Variants in SEZ6L observed in about 807,000 individuals in gnomAD.
SEZ6L encodes seizure 6-like protein.
Under a neutral mutation model 106.2 loss-of-function variants are expected in SEZ6L, and 37 were observed. The ratio of observed to expected loss-of-function variants is 0.35; its 90% CI spans 0.27 to 0.46. The LOEUF is 0.46. Among genes scored for constraint, SEZ6L ranks in the 20% least tolerant of loss-of-function variants. The pLI, the probability that SEZ6L is intolerant of heterozygous loss-of-function variation, is 1.00. For missense variants in SEZ6L, 1,172 were observed against 1,332.8 expected (o/e 0.88, Z 1.88); for synonymous variants, 541 against 570.4 (o/e 0.95, Z 0.73).
intron 13 of SEZ6L, 61 bp from the exon 14 acceptor site, chr22:26,373,390 T>C: frequency 6.6e-7 from 1 of 1,523,338 alleles, no homozygotes; most frequent in Non-Finnish European, 8.9e-7. Flanking sequence ...TTTGGCCTCA[T>C]TTCATGCAAA....
intron 10 of SEZ6L, among the ~76,000 whole-genome samples, chr22:26,345,874 T>C (rs577405878): frequency 1.5e-4 from 23 of 152,274 alleles, no homozygotes; most frequent in African/African-American, 5.5e-4. Context: ...TAACAAGAGT[T>C]TGTAGGAGAA....
chr22:26,298,609 G>T (rs1423847136), intron 4 of SEZ6L, among the ~76,000 whole-genome samples: 1 of 152,178 alleles, frequency 6.6e-6, no homozygotes, highest in East Asian at 1.9e-4. Flanking sequence ...TTTTTAACAA[G>T]CACTCAAGAT....
chr22:26,261,944 G>A (rs2080021992), intron 1 of SEZ6L, among the ~76,000 whole-genome samples: 1 of 152,076 alleles, frequency 6.6e-6, no homozygotes, highest in South Asian at 2.1e-4. Flanking sequence ...GATTTCAGCT[G>A]AGTGATCATC....
At chr22:26,308,407 G>A (rs1271372275) in intron 6 of SEZ6L, among the ~76,000 whole-genome samples, 1 of 150,688 alleles carries the variant, frequency 6.6e-6, no homozygotes, top group Non-Finnish European at 1.5e-5. Flanking sequence ...GTTATATCCT[G>A]AAGGATTTTG....
At chr22:26,370,989 G>A (rs1386489120) in intron 13 of SEZ6L, among the ~76,000 whole-genome samples, 4 of 129,544 alleles carry the variant, frequency 3.1e-5, no homozygotes, top group Non-Finnish European at 6.3e-5. Context: ...GGGAAACAGA[G>A]CAAGACCCTG....
At chr22:26,232,860 G>A (rs1050449089) in intron 1 of SEZ6L, among the ~76,000 whole-genome samples, 13 of 152,214 alleles carry the variant, frequency 8.5e-5, no homozygotes, top group African/African-American at 2.9e-4. Flanking sequence ...CTGTAAAACA[G>A]GGAGGAACAC....
chr22:26,349,612 C>T (rs568759128), intron 11 of SEZ6L, among the ~76,000 whole-genome samples: 1 of 152,170 alleles, frequency 6.6e-6, no homozygotes, highest in Non-Finnish European at 1.5e-5. Context: ...GCAGTCCTCC[C>T]ACCACAGCCC....
At chr22:26,374,147 G>T (rs534141503) in intron 14 of SEZ6L, among the ~76,000 whole-genome samples, 1 of 151,962 alleles carries the variant, frequency 6.6e-6, no homozygotes, top group East Asian at 1.9e-4. Context: ...ACCACTCACC[G>T]GGACTGTGAT....
intron 1 of SEZ6L, among the ~76,000 whole-genome samples, chr22:26,218,194 T>C (rs139815639): frequency 5.9e-4 from 90 of 152,336 alleles, no homozygotes; most frequent in African/African-American, 2.1e-3. Context: ...CATTATCCCT[T>C]TGCAACCCTA....
chr22:26,209,991 G>GGAAGGA (rs1569382187), intron 1 of SEZ6L, among the ~76,000 whole-genome samples: 5 of 131,384 alleles, frequency 3.8e-5, no homozygotes, highest in African/African-American at 1.4e-4. Flanking sequence ...GGAAGGAAGG[G>GGAAGGA]AGGAAGGAAG....
chr22:26,245,433 C>G (rs1349676274), intron 1 of SEZ6L, among the ~76,000 whole-genome samples: 1 of 152,096 alleles, frequency 6.6e-6, no homozygotes, highest in Admixed American at 6.5e-5. Context: ...GGCTCCTTCT[C>G]CCTCCTCTAG....
Position 26,340,352 on chromosome 22 carries a change from G to C in SEZ6L, c.2016-84G>C, listed in dbSNP as rs940975639. ...GACACATACACACTTAACAAATTTT[G>C]TATTGCCTGAAAAAGTTAATCAAGG... On this transcript the variant is annotated intron_variant, in intron 9 of 16. Coordinates refer to ENST00000248933, the MANE Select transcript of SEZ6L (RefSeq NM_021115.5). 9 of 1,334,136 alleles carry C rather than the reference G, an allele frequency of 6.7e-6. No individual in the cohort carries two copies. In the African/African-American group the frequency reaches 1.3e-4, roughly 19 times the overall value. 82.6% of individuals were successfully genotyped at this position (1,334,136 alleles called of 1,614,324 possible).
At chr22:26,319,652 A>G (rs186851128) in intron 9 of SEZ6L, among the ~76,000 whole-genome samples, 112 of 152,214 alleles carry the variant, frequency 7.4e-4, no homozygotes, top group Middle Eastern at 3.4e-3. Flanking sequence ...ACTTTGCTTC[A>G]CTTCCATAGC....
rs926141977 is a variant in SEZ6L at position 26,382,807 on chromosome 22, CAA to C, written c.*2513_*2514del. On this transcript the variant is annotated 3_prime_UTR_variant, in exon 17 of 17. Coordinates refer to ENST00000248933, the MANE Select transcript of SEZ6L (RefSeq NM_021115.5). The stretch of plus-strand genomic sequence containing the variant: ...TCATGTACGTCTGTTTTTATAAGAT[CAA>C]TATTAAAACCCATTGGGATTAAATA... The C allele has an allele frequency of 1.3e-5, 2 of 152,022 alleles. No individual in the cohort carries two copies. Among genetic ancestry groups the C allele is most frequent in the African/African-American group, 4.8e-5 (2 of 41,400 alleles). 9.4% of individuals were successfully genotyped at this position (152,022 alleles called of 1,614,324 possible). A position where few individuals can be genotyped will look rare whatever the true frequency, so the allele number is the denominator to read the frequency against.
At chr22:26,333,018 A>C (rs1036477281) in intron 9 of SEZ6L, among the ~76,000 whole-genome samples, 2 of 152,260 alleles carry the variant, frequency 1.3e-5, no homozygotes, top group Non-Finnish European at 2.9e-5. Context: ...GTTGTTATTC[A>C]AAAGCTAAAT....
chr22:26,244,168 A>G (rs902114324), intron 1 of SEZ6L, among the ~76,000 whole-genome samples: 1 of 151,802 alleles, frequency 6.6e-6, no homozygotes, highest in Non-Finnish European at 1.5e-5. Context: ...ATCTCAAAAG[A>G]AAGAAAGAAA....
At chr22:26,373,548 G>A in intron 14 of SEZ6L, 65 bp downstream of exon 14, 1 of 1,258,518 alleles carries the variant, frequency 7.9e-7, no homozygotes, top group Non-Finnish European at 1.1e-6. Flanking sequence ...AACAAGGGCA[G>A]GTCTTTGAAT....
chr22:26,183,652 T>C (rs1276219468), intron 1 of SEZ6L, among the ~76,000 whole-genome samples: 1 of 152,258 alleles, frequency 6.6e-6, no homozygotes, highest in Admixed American at 6.5e-5. Flanking sequence ...CGGGGCCTGC[T>C]GAGAGCGACG....
chr22:26,170,142 C>T (rs538035870), intron 1 of SEZ6L, among the ~76,000 whole-genome samples: 2 of 152,248 alleles, frequency 1.3e-5, no homozygotes, highest in East Asian at 1.9e-4. Context: ...TTATCTTCCT[C>T]TCCGGGAGAG....
Sources: gnomAD v4.1 joint callset for allele counts (sites outside exome capture counted in the v4.1 genomes callset) on GRCh38, gnomAD v4.1.1 for gene constraint, MANE v1.5 for transcripts, NCBI Gene and HGNC (gene_info 2026-07-23, HGNC 2026-07-21) for gene names.